NDC80: variants seen among roughly 807,000 people sequenced by gnomAD.
NDC80 encodes the protein NDC80 kinetochore complex component.
A neutral mutation model predicts 89.3 loss-of-function variants in NDC80; 69 were observed. The observed-to-expected ratio is 0.77, with a 90% CI of 0.64 to 0.94. The LOEUF (loss-of-function observed/expected upper bound fraction) is 0.94, where lower values mean the gene tolerates loss of function less well. NDC80 is among the 40% of genes least tolerant of loss of function. The pLI is 0.00. For synonymous variants in NDC80, 243 were observed against 255.6 expected (o/e 0.95, Z 0.47); for missense variants, 593 against 739.6 (o/e 0.80, Z 2.30).
chr18:2,583,436 C>T (rs1244776344), intron 6 of NDC80, among the ~76,000 whole-genome samples: 1 of 152,190 alleles, frequency 6.6e-6, no homozygotes, highest in Non-Finnish European at 1.5e-5. Context: ...CGCAGTAGCT[C>T]ATGCCTGTAA....
In NDC80 at chr18:2,589,592, G is replaced by C. The variant is rs533906716; in HGVS notation, c.870+282G>C. On this transcript the variant is annotated intron_variant, in intron 9 of 16. Coordinates refer to ENST00000261597, the MANE Select transcript of NDC80 (RefSeq NM_006101.3). Reference sequence around the variant, plus strand: ...AAAAGTACTTTTGAACAAAGGCCCTGTGTTATATACCTCTAGGGAGCATTA... The same window carrying C: ...AAAAGTACTTTTGAACAAAGGCCCTCTGTTATATACCTCTAGGGAGCATTA... 3.9e-5 allele frequency among the ~76,000 whole-genome samples: 6 copies of C among 152,268 alleles called. No homozygotes were observed. In the East Asian group the frequency reaches 1.2e-3, roughly 29 times the overall value.
At chr18:2,586,435 G>A (rs1333418531) in intron 7 of NDC80, among the ~76,000 whole-genome samples, 1 of 152,088 alleles carries the variant, frequency 6.6e-6, no homozygotes, top group Non-Finnish European at 1.5e-5. Flanking sequence ...CATCTATTAA[G>A]TATTAAATGT....
intron 11 of NDC80, among the ~76,000 whole-genome samples, chr18:2,598,096 A>G (rs1033364483): frequency 2.0e-5 from 3 of 152,018 alleles, no homozygotes; most frequent in African/African-American, 4.8e-5. Context: ...AATTTAATGT[A>G]TAAGTAATAT....
intron 11 of NDC80, 127 bp from the exon 12 acceptor site, chr18:2,598,892 A>G: frequency 1.1e-6 from 1 of 893,390 alleles, no homozygotes; most frequent in Non-Finnish European, 1.6e-6. Context: ...ACTGCTAAAG[A>G]TTACTGAATT....
intron 14 of NDC80, among the ~76,000 whole-genome samples, chr18:2,607,591 G>T (rs764812331): frequency 6.6e-6 from 1 of 151,998 alleles, no homozygotes; most frequent in African/African-American, 2.4e-5. Flanking sequence ...TGACCTTGGC[G>T]CCCTAAAAAC....
chr18:2,610,867 T>C lies in NDC80; in HGVS notation c.1791+6T>C, dbSNP rs2072740258. 2.0e-6 allele frequency: 3 copies of C among 1,472,602 alleles called. No individual in the cohort carries two copies. Among genetic ancestry groups the C allele is most frequent in the South Asian group, 2.7e-5 (2 of 72,954 alleles). The allele number at this position is 1,472,602 out of a possible 1,614,324, so 91.2% of individuals were successfully genotyped here. On this transcript the variant is annotated splice_donor_region_variant and intron_variant, in intron 16 of 16. Transcript: ENST00000261597. ...CACATGTTGGGTCTGTAGAGGTAAG[T>C]ATGTGATGGTCTTTCCTACGTTCTA... is the stretch of plus-strand genomic sequence containing the variant.
At chr18:2,613,332 C>T (rs1376602370) in intron 16 of NDC80, among the ~76,000 whole-genome samples, 1 of 152,196 alleles carries the variant, frequency 6.6e-6, no homozygotes, top group Non-Finnish European at 1.5e-5. Context: ...TTTGCTTTTC[C>T]TGTGAGACAC....
chr18:2,586,847 A>G (rs1211990573), intron 7 of NDC80, among the ~76,000 whole-genome samples: 1 of 152,224 alleles, frequency 6.6e-6, no homozygotes, highest in Admixed American at 6.5e-5. Context: ...CACATGGGAA[A>G]CTATAAAGTA....
chr18:2,584,738 G>T (rs2072595742), intron 6 of NDC80, among the ~76,000 whole-genome samples: 1 of 152,080 alleles, frequency 6.6e-6, no homozygotes, highest in Non-Finnish European at 1.5e-5. Context: ...CTTTTATGTG[G>T]CAATTCTGTT....
At chr18:2,600,116 A>G (rs1443357044) in intron 12 of NDC80, among the ~76,000 whole-genome samples, 1 of 152,238 alleles carries the variant, frequency 6.6e-6, no homozygotes, top group Non-Finnish European at 1.5e-5. Flanking sequence ...GTAGTTTGAC[A>G]TGGCTGGTGC....
intron 6 of NDC80, among the ~76,000 whole-genome samples, chr18:2,580,801 G>A (rs2072573897): frequency 7.6e-6 from 1 of 131,892 alleles, no homozygotes; most frequent in Non-Finnish European, 1.6e-5. Flanking sequence ...GAGTGCAGTG[G>A]CACAATCTCG....
chr18:2,609,334 C>A (rs981123944), intron 15 of NDC80, among the ~76,000 whole-genome samples: 9 of 152,078 alleles, frequency 5.9e-5, no homozygotes, highest in Admixed American at 4.6e-4. Context: ...AATCACAGGA[C>A]CTACGGGAAA....
At chr18:2,593,013 GGTGTGTGTGT>G (rs56851912) in intron 10 of NDC80, among the ~76,000 whole-genome samples, 54 of 108,422 alleles carry the variant, frequency 5.0e-4, no homozygotes, top group East Asian at 1.7e-3. Context: ...AATAAACTCT[GGTGTGTGTGT>G]GTGTGTGTGT....
intron 11 of NDC80, among the ~76,000 whole-genome samples, chr18:2,596,381 T>A (rs931660763): frequency 6.6e-6 from 1 of 151,788 alleles, no homozygotes; most frequent in African/African-American, 2.4e-5. Context: ...GAACAGACAC[T>A]TCTCAAAAGA....
chr18:2,572,688 G>A (rs2677892), intron 1 of NDC80, among the ~76,000 whole-genome samples: 88,278 of 152,068 alleles, frequency 0.58, 27,733 homozygotes, highest in East Asian at 0.73. Flanking sequence ...GGCAAAAACC[G>A]TAACTTACTC....
intron 12 of NDC80, 37 bp from the exon 13 acceptor site, chr18:2,601,359 A>T (rs749485901): frequency 9.7e-7 from 1 of 1,033,372 alleles, no homozygotes; most frequent in Admixed American, 2.6e-5. Flanking sequence ...TTGTAATTAA[A>T]TGTTATATGT....
At chr18:2,600,123 G>C (rs2072676954) in intron 12 of NDC80, among the ~76,000 whole-genome samples, 1 of 152,166 alleles carries the variant, frequency 6.6e-6, no homozygotes, top group African/African-American at 2.4e-5. Context: ...GACATGGCTG[G>C]TGCAAGAAAA....
intron 6 of NDC80, 38 bp from the exon 7 acceptor site, chr18:2,585,075 T>C: frequency 6.6e-7 from 1 of 1,520,392 alleles, no homozygotes; most frequent in Non-Finnish European, 9.1e-7. Context: ...GTTGTGTTTT[T>C]CAGATCAACT....
chr18:2,601,931 T>C (rs1419181929), intron 13 of NDC80, among the ~76,000 whole-genome samples: 2 of 152,144 alleles, frequency 1.3e-5, no homozygotes, highest in African/African-American at 4.8e-5. Flanking sequence ...TCAAAGTCTA[T>C]TTCCAAAAGT....
Sources: allele counts gnomAD v4.1 joint callset (sites outside exome capture counted in the v4.1 genomes callset), GRCh38; gene constraint gnomAD v4.1.1; transcripts MANE v1.5; gene names NCBI Gene and HGNC (gene_info 2026-07-23, HGNC 2026-07-21).